The following TADA1 variants were observed in gnomAD, a reference collection of about 807,000 sequenced individuals.
TADA1 encodes the protein transcriptional adaptor 1.
In TADA1, 23 loss-of-function variants were observed where a neutral mutation model predicts 39.3. That is an observed-to-expected ratio of 0.58 (90% CI 0.42 to 0.83). TADA1 has a LOEUF of 0.83. Ranked by LOEUF, TADA1 falls within the 40% of genes least tolerant of loss-of-function variation. The pLI is 0.00. For missense variants in TADA1, 352 were observed against 408.1 expected (o/e 0.86, Z 1.18); for synonymous variants, 137 against 151.8 (o/e 0.90, Z 0.72).
At chr1:166,864,015 C>T in intron 3 of TADA1, 94 bp from the exon 4 acceptor site, 1 of 941,226 alleles carries the variant, frequency 1.1e-6, no homozygotes, top group Non-Finnish European at 1.6e-6. Flanking sequence ...ATGGAATGCT[C>T]ATGAAATGCA....
intron 1 of TADA1, among the ~76,000 whole-genome samples, chr1:166,872,192 G>A (rs186100894): frequency 3.3e-3 from 496 of 152,322 alleles, no homozygotes; most frequent in Non-Finnish European, 5.1e-3. Flanking sequence ...CTCAATGGTG[G>A]AGGTGGAGCC....
At chr1:166,872,941 C>T (rs541118278) in intron 1 of TADA1, among the ~76,000 whole-genome samples, 3 of 152,276 alleles carry the variant, frequency 2.0e-5, no homozygotes, top group Admixed American at 6.5e-5. Flanking sequence ...GGTCAGATTA[C>T]GAAGCACTGG....
chr1:166,861,052 G>A (rs993720527), intron 5 of TADA1, among the ~76,000 whole-genome samples: 43 of 152,168 alleles, frequency 2.8e-4, no homozygotes, highest in African/African-American at 1.0e-3. Flanking sequence ...CAAAATCCTT[G>A]CGTGAAAAGA....
intron 3 of TADA1, among the ~76,000 whole-genome samples, chr1:166,866,533 A>G (rs1658539578): frequency 1.3e-5 from 2 of 152,166 alleles, no homozygotes; most frequent in African/African-American, 4.8e-5. Context: ...TTGTAATAGA[A>G]ATCTTCTCTT....
In TADA1 at chr1:166,865,475, T is replaced by TA. The variant is rs59460033; in HGVS notation, c.233-1555dup. Among the ~76,000 whole-genome samples the TA allele has an allele frequency of 3.0e-3, 424 of 139,512 alleles. 1 individual carries two copies. Among genetic ancestry groups the TA allele is most frequent in the African/African-American group, 6.4e-3 (247 of 38,474 alleles). The allele number at this position is 139,512 out of a possible 152,430, so 91.5% of individuals were successfully genotyped here. ...ACCATGAACATATATTGTTTAATGT[T>TA]AAAAAAAAAAAAAAGTAACACAACC... On this transcript the variant is annotated intron_variant, in intron 3 of 7. Coordinates refer to ENST00000367874, the MANE Select transcript of TADA1 (RefSeq NM_053053.4).
At chr1:166,861,795 T>C (rs1486505088) in intron 5 of TADA1, among the ~76,000 whole-genome samples, 2 of 152,180 alleles carry the variant, frequency 1.3e-5, no homozygotes, top group Admixed American at 6.5e-5. Flanking sequence ...GGCTCACACA[T>C]GTAAATCCCA....
intron 7 of TADA1, among the ~76,000 whole-genome samples, 199 bp from the exon 8 acceptor site, chr1:166,857,918 C>A (rs1346154572): frequency 2.6e-5 from 4 of 151,776 alleles, no homozygotes; most frequent in Admixed American, 1.3e-4. Flanking sequence ...GATTTTTTTT[C>A]TTTTCTTTCT....
rs750570702 is a variant in TADA1, at chr1:166,869,464, C to G, written c.213G>C (p.Gln71His). 54 of 1,613,544 alleles carry G rather than the reference C, an allele frequency of 3.3e-5. No individual in the cohort carries two copies. The highest frequency in any genetic ancestry group is 4.3e-5 in the Non-Finnish European group (51 of 1,179,700). Residue 71 changes from glutamine (Q) to histidine (H), a missense_variant, in exon 3 of 8, where the codon CAG (glutamine) becomes CAC (histidine). Physicochemically the swap from Gln to His is conservative, Grantham distance 24 (BLOSUM62 0). Coordinates refer to ENST00000367874, the MANE Select transcript of TADA1 (RefSeq NM_053053.4). ...CCTTACCTGGTGTAGAAACCAAAATCTGACAACGCGTGAGAATGGCCAGGA... is the reference window on the plus strand; with the variant it reads ...CCTTACCTGGTGTAGAAACCAAAATGTGACAACGCGTGAGAATGGCCAGGA... ...DFLLAILTRC[Q>H]ILVSTPDGAG... is the part of the protein sequence containing the mutation.
At chr1:166,864,719 T>C (rs1225034920) in intron 3 of TADA1, among the ~76,000 whole-genome samples, 1 of 152,190 alleles carries the variant, frequency 6.6e-6, no homozygotes, top group Admixed American at 6.5e-5. Flanking sequence ...TTCTGTGCAA[T>C]GCAGGTCACA....
intron 1 of TADA1, among the ~76,000 whole-genome samples, chr1:166,874,055 A>G (rs1658712894): frequency 1.3e-5 from 2 of 151,668 alleles, no homozygotes; most frequent in Admixed American, 1.3e-4. Context: ...TAAAAATGTA[A>G]ATTTTGGCTG....
chr1:166,862,300 C>G lies in TADA1; in HGVS notation c.443G>C (p.Arg148Pro). ...TATCATTCTCCCTTCAAGCTGGCCT[C>G]GAGTGGGAAGCATCATTGTGTGGGA... is the stretch of plus-strand genomic sequence containing the variant. ...LCSHTMMLPTRGQLEGRMIVT... is the reference protein window; with the variant it reads ...LCSHTMMLPTPGQLEGRMIVT... Residue 148 changes from arginine (R) to proline (P), a missense_variant, in exon 5 of 8, where the codon CGA (arginine) becomes CCA (proline). Arg to Pro is a moderately radical substitution (Grantham distance 103, BLOSUM62 -2). Around this residue, in one of 3 missense-constraint regions of TADA1, gnomAD observed 285 missense variants for 310.9 expected, o/e 0.92. Coordinates refer to ENST00000367874, the MANE Select transcript of TADA1 (RefSeq NM_053053.4). The G allele has an allele frequency of 6.2e-7, 1 of 1,614,128 alleles. No homozygotes were observed. The highest frequency in any genetic ancestry group is 1.7e-4 in the Middle Eastern group (1 of 6,060).
chr1:166,865,277 A>G (rs137883814), intron 3 of TADA1, among the ~76,000 whole-genome samples: 37 of 152,182 alleles, frequency 2.4e-4, no homozygotes, highest in Non-Finnish European at 5.0e-4. Flanking sequence ...ACACAGAGCA[A>G]TAAGACAGAG....
At chr1:166,876,073 C>G (rs2101799433) in intron 1 of TADA1, 87 bp downstream of exon 1, 13 of 1,318,642 alleles carry the variant, frequency 9.9e-6, no homozygotes, top group Non-Finnish European at 1.2e-5. Context: ...CCCCGGGCGA[C>G]GCGGGCGTCT....
In TADA1 at chr1:166,869,450, G is replaced by A. The variant is rs765382638; in HGVS notation, c.227C>T (p.Thr76Ile). 11 of 1,613,270 alleles carry A rather than the reference G, an allele frequency of 6.8e-6. No homozygotes were observed. Among genetic ancestry groups the A allele is most frequent in the African/African-American group, 1.3e-5 (1 of 74,878 alleles). The change falls in exon 3 of 8, where the codon ACA becomes ATA. Residue 76 changes from threonine (T) to isoleucine (I), a missense_variant. By Grantham distance (89) the Thr-to-Ile change is moderately conservative. This residue lies in a region of TADA1 where 36 missense variants were observed against 72.0 expected (regional missense o/e 0.50). Transcript: ENST00000367874. ...AAGTATTTCCACTCCCTTACCTGGT[G>A]TAGAAACCAAAATCTGACAACGCGT... ...ILTRCQILVS[T>I]PDGAGSLPWP... is the part of the protein sequence containing the mutation.
In TADA1 at chr1:166,856,686, T is replaced by C. The variant is rs1036120936; in HGVS notation, c.*881A>G. On this transcript the variant is annotated 3_prime_UTR_variant, in exon 8 of 8. Transcript: ENST00000367874. ...CTTAAGTAAAAAGCAACATATCTCTTAAGTAGGTTTGTTATCAGTAACACT... is the reference window on the plus strand; with the variant it reads ...CTTAAGTAAAAAGCAACATATCTCTCAAGTAGGTTTGTTATCAGTAACACT... 1.3e-5 allele frequency: 2 copies of C among 152,774 alleles called. No individual in the cohort carries two copies. The highest frequency in any genetic ancestry group is 1.9e-4 in the East Asian group (1 of 5,192). 9.5% of individuals were successfully genotyped at this position (152,774 alleles called of 1,614,324 possible). A position where few individuals can be genotyped will look rare whatever the true frequency, so the allele number is the denominator to read the frequency against.
In TADA1 at chr1:166,876,207, C is replaced by T. The variant is rs753376536; in HGVS notation, c.27G>A (p.Glu9=). The change falls in exon 1 of 8, where the codon GAG becomes GAA. Residue 9 remains glutamate, a synonymous_variant. Transcript: ENST00000367874. ...CCTCGCTTAAGTTCTTCTTGGCCGC[C>T]TCCAGCTCGCTCACAAAGGTCGCCA... MATFVSEL[E]AAKKNLSEAL... The T allele has an allele frequency of 6.2e-6, 10 of 1,613,768 alleles. No homozygotes were observed. The South Asian group carries it at 8.8e-5, about 14-fold the overall frequency.
intron 3 of TADA1, among the ~76,000 whole-genome samples, chr1:166,867,923 T>C (rs528255277): frequency 1.3e-5 from 2 of 152,224 alleles, no homozygotes; most frequent in South Asian, 2.1e-4. Context: ...AGAGAGAGGA[T>C]TAAAAAATAC....
intron 6 of TADA1, among the ~76,000 whole-genome samples, chr1:166,858,975 C>T (rs559263411): frequency 7.9e-5 from 12 of 152,330 alleles, no homozygotes; most frequent in South Asian, 2.1e-4. Flanking sequence ...TTGGGAGTCC[C>T]GCCAGGGCCA....
chr1:166,869,057 A>C (rs1326297615), intron 3 of TADA1: 6 of 271,126 alleles, frequency 2.2e-5, no homozygotes, highest in Admixed American at 2.0e-4. Context: ...GTGTTGTACA[A>C]TTCAATTTTG....
Sources: allele counts gnomAD v4.1 joint callset (sites outside exome capture counted in the v4.1 genomes callset), GRCh38; gene constraint gnomAD v4.1.1; regional missense constraint gnomAD v4.1.1; transcripts MANE v1.5; gene names NCBI Gene and HGNC (gene_info 2026-07-23, HGNC 2026-07-21).